Variants in NETO1 observed in about 807,000 individuals in gnomAD.
NETO1 encodes the protein neuropilin and tolloid like 1.
Under a neutral mutation model 61.3 loss-of-function variants are expected in NETO1, and 26 were observed. That is an observed-to-expected ratio of 0.42 (90% CI 0.31 to 0.59). NETO1 has a LOEUF of 0.59. NETO1 is among the 20% of genes least tolerant of loss of function. NETO1 has a pLI of 0.12. For missense variants in NETO1, 531 were observed against 662.8 expected, an observed-to-expected ratio of 0.80 and a Z score of 2.18; for synonymous variants, 225 against 225.8, an observed-to-expected ratio of 1.00 and a Z score of 0.03.
intron 4 of NETO1, among the ~76,000 whole-genome samples, chr18:72,822,820 C>G (rs1489573070): frequency 6.6e-6 from 1 of 151,984 alleles, no homozygotes; most frequent in Non-Finnish European, 1.5e-5. Flanking sequence ...ACAGCAGAAG[C>G]AATAGCAATA....
intron 6 of NETO1, among the ~76,000 whole-genome samples, chr18:72,792,155 G>T (rs2072141201): frequency 6.6e-6 from 1 of 152,130 alleles, no homozygotes; most frequent in East Asian, 1.9e-4. Context: ...TTCTTCACTG[G>T]GCGTGGTGAT....
rs555032342 is a variant in NETO1, at chr18:72,825,784, C to A, written c.470-31380G>T. On this transcript the variant is annotated intron_variant, in intron 4 of 10. Transcript: ENST00000327305. The stretch of plus-strand genomic sequence containing the variant: ...TGTTTATCTTGCTTTCTCCTGGTAA[C>A]CATGCGATCTTTAAAAGTGAAATTT... 4.8e-4 allele frequency among the ~76,000 whole-genome samples: 73 copies of A among 152,182 alleles called. 1 individual carries two copies. Among genetic ancestry groups the A allele is most frequent in the Admixed American group, 1.4e-3 (22 of 15,302 alleles).
At chr18:72,848,023 T>C (rs553689645) in intron 4 of NETO1, among the ~76,000 whole-genome samples, 24 of 152,310 alleles carry the variant, frequency 1.6e-4, no homozygotes, top group Admixed American at 1.2e-3. Context: ...CAGAGATAAT[T>C]TGAGTCTTTT....
chr18:72,860,696 T>C (rs2074544019), intron 3 of NETO1, among the ~76,000 whole-genome samples: 1 of 151,860 alleles, frequency 6.6e-6, no homozygotes. Flanking sequence ...GTAACCACAA[T>C]AATGACAGAT....
chr18:72,772,749 C>CTCTCTA (rs1344703171), intron 7 of NETO1, among the ~76,000 whole-genome samples: 1 of 27,146 alleles, frequency 3.7e-5, no homozygotes, highest in Non-Finnish European at 6.3e-5. Flanking sequence ...ACACATCTCT[C>CTCTCTA]TATATATATC....
At chr18:72,849,891 T>C (rs933859603) in intron 4 of NETO1, among the ~76,000 whole-genome samples, 1 of 152,170 alleles carries the variant, frequency 6.6e-6, no homozygotes, top group Non-Finnish European at 1.5e-5. Context: ...ACTTCATCCA[T>C]CTTCAAAGCC....
At chr18:72,827,463 G>A (rs1243268020) in intron 4 of NETO1, among the ~76,000 whole-genome samples, 1 of 152,184 alleles carries the variant, frequency 6.6e-6, no homozygotes, top group African/African-American at 2.4e-5. Context: ...GGAACTCACA[G>A]CAAGGGGCCA....
At chr18:72,820,209 G>A (rs1260592413) in intron 4 of NETO1, among the ~76,000 whole-genome samples, 4 of 152,092 alleles carry the variant, frequency 2.6e-5, no homozygotes, top group Non-Finnish European at 5.9e-5. Flanking sequence ...AATGAGAGGA[G>A]GACGAATAAT....
In NETO1 at chr18:72,836,000, C is replaced by T. The variant is rs181933103; in HGVS notation, c.469+22826G>A. Among the ~76,000 whole-genome samples the T allele has an allele frequency of 1.6e-3, 248 of 152,192 alleles. 2 individuals carry two copies. Among genetic ancestry groups the T allele is most frequent in the African/African-American group, 4.5e-3 (186 of 41,522 alleles). Reference sequence around the variant, plus strand: ...AGACGGGGCAGCTTCTTGGCCTTGACGTAGGAAGAGGGAAGGGGTAAAAGG... The same window carrying T: ...AGACGGGGCAGCTTCTTGGCCTTGATGTAGGAAGAGGGAAGGGGTAAAAGG... On this transcript the variant is annotated intron_variant, in intron 4 of 10. Coordinates refer to ENST00000327305, the MANE Select transcript of NETO1 (RefSeq NM_138966.5).
At position 72,855,815 on chromosome 18, in the gene NETO1, T is replaced by C. The variant is rs115113069; in HGVS notation, c.469+3011A>G. Among the ~76,000 whole-genome samples the C allele has an allele frequency of 5.4e-3, 818 of 152,278 alleles. 10 individuals carry two copies. The highest frequency in any genetic ancestry group is 0.019 in the African/African-American group (776 of 41,562). On this transcript the variant is annotated intron_variant, in intron 4 of 10. Coordinates refer to ENST00000327305, the MANE Select transcript of NETO1 (RefSeq NM_138966.5). ...TGGCTGTGTGGGGGCTAAACCACCA[T>C]TGGAAGAAACAACCTGTGTTAGGAA...
intron 4 of NETO1, among the ~76,000 whole-genome samples, chr18:72,817,789 C>T (rs1311158195): frequency 1.3e-5 from 2 of 152,212 alleles, no homozygotes; most frequent in African/African-American, 2.4e-5. Flanking sequence ...CTTTCTCTGT[C>T]TGTTTCTGTC....
intron 7 of NETO1, among the ~76,000 whole-genome samples, chr18:72,769,763 C>A (rs2071288702): frequency 6.6e-6 from 1 of 152,100 alleles, no homozygotes; most frequent in Admixed American, 6.6e-5. Context: ...CTACTTGCTT[C>A]TAACCTCTTG....
chr18:72,860,247 T>C (rs1434611268), intron 3 of NETO1, among the ~76,000 whole-genome samples: 6 of 152,212 alleles, frequency 3.9e-5, no homozygotes, highest in African/African-American at 1.4e-4. Context: ...TTGGCCCTTT[T>C]CAGGGACTAA....
At chr18:72,748,830 A>G (rs1365689442) in intron 10 of NETO1, among the ~76,000 whole-genome samples, 184 bp downstream of exon 10, 1 of 152,116 alleles carries the variant, frequency 6.6e-6, no homozygotes, top group Non-Finnish European at 1.5e-5. Context: ...TTTTAAAGGT[A>G]TGTATCCCGA....
At chr18:72,857,243 G>A (rs1204658357) in intron 4 of NETO1, among the ~76,000 whole-genome samples, 2 of 152,164 alleles carry the variant, frequency 1.3e-5, no homozygotes, top group African/African-American at 2.4e-5. Context: ...CAAGAGTTCC[G>A]TTCTGATTCA....
chr18:72,841,020 C>G (rs184164367), intron 4 of NETO1, among the ~76,000 whole-genome samples: 1 of 152,306 alleles, frequency 6.6e-6, no homozygotes, highest in Non-Finnish European at 1.5e-5. Context: ...GCCTCAAGAA[C>G]AACAGCTGTT....
chr18:72,867,447 G>A lies in NETO1; in HGVS notation c.-156C>T, dbSNP rs2074776217. 2.2e-6 allele frequency: 1 copy of A among 452,316 alleles called. No homozygotes were observed. The allele number at this position is 452,316 out of a possible 1,614,324, so 28.0% of individuals were successfully genotyped here. On this transcript the variant is annotated 5_prime_UTR_variant, in exon 1 of 11. Coordinates refer to ENST00000327305, the MANE Select transcript of NETO1 (RefSeq NM_138966.5). ...CGAGAGGGAGACCGAGAGGAAGGGGGAGCTCCGAGCCCACGCTGCAGCCAG... is the reference window on the plus strand; with the variant it reads ...CGAGAGGGAGACCGAGAGGAAGGGGAAGCTCCGAGCCCACGCTGCAGCCAG...
intron 4 of NETO1, among the ~76,000 whole-genome samples, chr18:72,850,601 T>C (rs1200788122): frequency 1.3e-5 from 2 of 152,232 alleles, no homozygotes; most frequent in Non-Finnish European, 2.9e-5. Flanking sequence ...AGCATGTTTC[T>C]TGAATACAAT....
intron 4 of NETO1, among the ~76,000 whole-genome samples, chr18:72,832,742 T>C (rs560337045): frequency 5.9e-5 from 9 of 152,340 alleles, no homozygotes; most frequent in African/African-American, 2.2e-4. Flanking sequence ...GGCTGAAGTA[T>C]GGTTGATTAC....
Sources: gnomAD v4.1 joint callset for allele counts (sites outside exome capture counted in the v4.1 genomes callset) on GRCh38, gnomAD v4.1.1 for gene constraint, MANE v1.5 for transcripts, NCBI Gene and HGNC (gene_info 2026-07-23, HGNC 2026-07-21) for gene names.